CDH12: variants seen among roughly 807,000 people sequenced by gnomAD.
CDH12 encodes cadherin 12.
CDH12 carries 41 observed loss-of-function variants against 74.1 expected under a neutral mutation model. That is an observed-to-expected ratio of 0.55 (90% confidence interval 0.43 to 0.72). The LOEUF (loss-of-function observed/expected upper bound fraction) is 0.72. Among genes scored for constraint, CDH12 ranks in the 30% least tolerant of loss-of-function variants. The pLI is 0.00. For missense variants in CDH12, 945 were observed against 977.2 expected (o/e 0.97, Z 0.44); for synonymous variants, 399 against 355.0 (o/e 1.12, Z -1.39).
chr5:22,836,624 A>AG (rs1363176862), intron 1 of CDH12, among the ~76,000 whole-genome samples: 3 of 152,040 alleles, frequency 2.0e-5, no homozygotes, highest in Non-Finnish European at 4.4e-5. Context: ...TTTTCCACTG[A>AG]GTGCAAGAAA....
chr5:22,695,370 T>C (rs1742306960), intron 1 of CDH12, among the ~76,000 whole-genome samples: 1 of 152,126 alleles, frequency 6.6e-6, no homozygotes, highest in South Asian at 2.1e-4. Context: ...AGTATTGGGA[T>C]TGCTGGGTCA....
chr5:22,028,390 G>A (rs991897103), intron 5 of CDH12, among the ~76,000 whole-genome samples: 1 of 152,084 alleles, frequency 6.6e-6, no homozygotes, highest in Admixed American at 6.6e-5. Context: ...ATCTCCTTAA[G>A]CTGATAAGCA....
At chr5:22,629,774 G>A (rs958907815) in intron 1 of CDH12, among the ~76,000 whole-genome samples, 1 of 152,032 alleles carries the variant, frequency 6.6e-6, no homozygotes. Context: ...AATTAGGTAA[G>A]AGAAAGAAAT....
chr5:21,761,563 C>T (rs922123703), intron 12 of CDH12, among the ~76,000 whole-genome samples: 5 of 152,086 alleles, frequency 3.3e-5, no homozygotes, highest in South Asian at 2.1e-4. Context: ...ATTTCACACA[C>T]GGATATCCTG....
chr5:22,388,340 A>G (rs890162539), intron 3 of CDH12, among the ~76,000 whole-genome samples: 1 of 152,004 alleles, frequency 6.6e-6, no homozygotes, highest in Admixed American at 6.6e-5. Flanking sequence ...TTAATGTATA[A>G]TAATATATTA....
At chr5:21,959,770 A>T (rs1292336037) in intron 6 of CDH12, among the ~76,000 whole-genome samples, 1 of 142,786 alleles carries the variant, frequency 7.0e-6, no homozygotes, top group East Asian at 2.0e-4. Flanking sequence ...AAAAAAAAAA[A>T]AAAAAATTAG....
intron 8 of CDH12, 115 bp from the exon 9 acceptor site, chr5:21,817,247 T>G (rs1455150785): frequency 3.1e-6 from 2 of 642,062 alleles, no homozygotes; most frequent in Non-Finnish European, 5.0e-6. Context: ...AACATTATAG[T>G]GCAAATTGAA....
At chr5:22,657,442 C>CA (rs1215738767) in intron 1 of CDH12, among the ~76,000 whole-genome samples, 2 of 151,978 alleles carry the variant, frequency 1.3e-5, no homozygotes, top group Non-Finnish European at 2.9e-5. Context: ...CAAAACAAAA[C>CA]AAAAAACAAA....
chr5:22,801,640 T>TAG (rs1748521744), intron 1 of CDH12, among the ~76,000 whole-genome samples: 1 of 5,566 alleles, frequency 1.8e-4, no homozygotes, highest in Admixed American at 1.7e-3. Context: ...GCTTATCATA[T>TAG]ATATATATAT....
chr5:22,347,975 G>A (rs1459198151), intron 3 of CDH12, among the ~76,000 whole-genome samples: 1 of 152,192 alleles, frequency 6.6e-6, no homozygotes, highest in African/African-American at 2.4e-5. Context: ...CATAATGCCT[G>A]TGGAGATTTT....
At chr5:22,426,090 C>G (rs926459924) in intron 2 of CDH12, among the ~76,000 whole-genome samples, 43 of 150,514 alleles carry the variant, frequency 2.9e-4, no homozygotes, top group Admixed American at 1.3e-3. Context: ...AGGAGGCTGA[C>G]GCAGGAGAAT....
chr5:21,936,749 G>A (rs1038305530), intron 6 of CDH12, among the ~76,000 whole-genome samples: 5 of 152,108 alleles, frequency 3.3e-5, no homozygotes, highest in African/African-American at 1.2e-4. Context: ...CCTGGTGGGA[G>A]GTGATTAGCT....
intron 6 of CDH12, among the ~76,000 whole-genome samples, chr5:21,879,962 A>T (rs1349872234): frequency 1.3e-5 from 2 of 152,202 alleles, no homozygotes; most frequent in Non-Finnish European, 2.9e-5. Flanking sequence ...TACAATTACA[A>T]ATTATAAGTG....
intron 1 of CDH12, among the ~76,000 whole-genome samples, chr5:22,805,824 A>T (rs1439439420): frequency 6.6e-6 from 1 of 151,850 alleles, no homozygotes; most frequent in Non-Finnish European, 1.5e-5. Flanking sequence ...CCACCCCTCG[A>T]CAGGCCCCGG....
At chr5:22,359,358 T>C (rs1309209070) in intron 3 of CDH12, among the ~76,000 whole-genome samples, 2 of 152,082 alleles carry the variant, frequency 1.3e-5, no homozygotes, top group African/African-American at 4.8e-5. Context: ...GGTAAAGGGA[T>C]CAATTCAACA....
intron 1 of CDH12, among the ~76,000 whole-genome samples, chr5:22,814,818 A>G (rs1749309982): frequency 6.6e-6 from 1 of 152,214 alleles, no homozygotes; most frequent in African/African-American, 2.4e-5. Context: ...ATGTACAATG[A>G]TTAATAGATC....
At chr5:22,107,475 C>T (rs952864884) in intron 4 of CDH12, among the ~76,000 whole-genome samples, 1 of 48,058 alleles carries the variant, frequency 2.1e-5, no homozygotes, top group African/African-American at 8.5e-5. Flanking sequence ...TACGTATATA[C>T]ATACGTATGT....
At chr5:22,489,158 C>T (rs1328006766) in intron 2 of CDH12, among the ~76,000 whole-genome samples, 6 of 126,766 alleles carry the variant, frequency 4.7e-5, no homozygotes, top group South Asian at 2.5e-4. Context: ...CCTGGGTTCA[C>T]GCCATTCTCC....
At chr5:22,669,034 G>A (rs553380664) in intron 1 of CDH12, among the ~76,000 whole-genome samples, 2 of 151,958 alleles carry the variant, frequency 1.3e-5, no homozygotes, top group Admixed American at 1.3e-4. Flanking sequence ...ACTGGTATAG[G>A]TCTTCAAATG....
Sources: gnomAD v4.1 joint callset for allele counts (sites outside exome capture counted in the v4.1 genomes callset) on GRCh38, gnomAD v4.1.1 for gene constraint, MANE v1.5 for transcripts, NCBI Gene and HGNC (gene_info 2026-07-23, HGNC 2026-07-21) for gene names.